ABCA8: variants seen among roughly 807,000 people sequenced by gnomAD.
ABCA8 encodes the protein ABC-type organic anion transporter ABCA8.
Under a neutral mutation model 192.3 loss-of-function variants are expected in ABCA8, and 177 were observed. The observed-to-expected ratio is 0.92, with a 90% CI of 0.81 to 1.04. The LOEUF is 1.04. Among genes scored for constraint, ABCA8 ranks in the 50% least tolerant of loss-of-function variants. The probability of loss-of-function intolerance (pLI) is 0.00; values close to 1 mark genes in which losing one functional copy is unlikely to be tolerated. For missense variants in ABCA8, 1,915 were observed against 1,904.8 expected (o/e 1.01, Z -0.10); for synonymous variants, 642 against 690.2 (o/e 0.93, Z 1.09).
At position 68,876,496 on chromosome 17, in the gene ABCA8, G is replaced by A. The variant is rs754538890; in HGVS notation, c.4334C>T (p.Ser1445Leu). Residue 1445 changes from serine to leucine, a missense_variant, in exon 35 of 40, where the codon TCG becomes TTG. Physicochemically the swap from Ser to Leu is moderately radical, Grantham distance 145 (BLOSUM62 -2). Transcript: ENST00000586539. ...NPSVVLLDEP[S>L]TGMDPEGQQQ... ...CTGCCCCTCGGGGTCCATCCCGGTC[G>A]ACGGCTCATCCAGAAGCACCACTGA... 6.2e-6 allele frequency: 10 copies of A among 1,613,864 alleles called. No homozygotes were observed. The African/African-American group carries it at 9.3e-5, about 15-fold the overall frequency.
At position 68,919,453 on chromosome 17, in the gene ABCA8, T is replaced by A. The variant is rs201033115; in HGVS notation, c.1636A>T (p.Lys546Ter). ...TKGSVTIYNN[K>*]LSEMADLENL... ...TCTAGGTCAGCCATTTCTGAAAGCT[T>A]ATTGTTATAGATGGTGACTGAACCT... The change falls in exon 14 of 40, where the codon AAG (lysine) becomes TAG (stop). Residue 546 changes from lysine (K) to a stop codon, truncating the protein, a stop_gained. Coordinates refer to ENST00000586539, the MANE Select transcript of ABCA8 (RefSeq NM_001288985.2). LOFTEE classifies it high-confidence loss of function. 1.2e-6 allele frequency: 2 copies of A among 1,613,834 alleles called. No homozygotes were observed. Among genetic ancestry groups the A allele is most frequent in the Non-Finnish European group, 1.7e-6 (2 of 1,179,940 alleles).
At chr17:68,922,327 G>A (rs781366894) in intron 11 of ABCA8, 27 bp from the exon 12 acceptor site, 3 of 1,288,474 alleles carry the variant, frequency 2.3e-6, no homozygotes, top group South Asian at 2.9e-5. Context: ...ATACTTCAAA[G>A]TGACAATTTT....
At chr17:68,898,353 T>G (rs1450350374) in intron 21 of ABCA8, among the ~76,000 whole-genome samples, 1 of 152,040 alleles carries the variant, frequency 6.6e-6, no homozygotes, top group Non-Finnish European at 1.5e-5. Context: ...ATCCTGTAAA[T>G]CTATAAAAAT....
At chr17:68,876,232 G>C in intron 35 of ABCA8, 1 of 591,162 alleles carries the variant, frequency 1.7e-6, no homozygotes. Flanking sequence ...TCAAGAGTGA[G>C]ACCTATGGGC....
chr17:68,946,956 AG>A (rs2068428358), intron 2 of ABCA8, among the ~76,000 whole-genome samples: 1 of 152,116 alleles, frequency 6.6e-6, no homozygotes, highest in Non-Finnish European at 1.5e-5. Context: ...AGAGAGAGAG[AG>A]AGAGAGAGAG....
At position 68,875,311 on chromosome 17, in the gene ABCA8, G is replaced by A; in HGVS notation, c.4580C>T (p.Pro1527Leu). Residue 1527 changes from proline (P) to leucine (L), a missense_variant, in exon 37 of 40, where the codon CCC (proline) becomes CTC (leucine). Transcript: ENST00000586539. ...MKVKNLAQVE[P>L]LHAEILRLFP... ...AAGCCTCAGGATCTCTGCATGGAGG[G>A]GCTCCACTTGTGCCAGGTTCTTCAC... 24 of 1,614,066 alleles carry A rather than the reference G, an allele frequency of 1.5e-5. No individual in the cohort carries two copies. The highest frequency in any genetic ancestry group is 1.9e-5 in the Non-Finnish European group (22 of 1,180,006).
At position 68,940,949 on chromosome 17, in the gene ABCA8, G is replaced by T. The variant is rs1441396195; in HGVS notation, c.110C>A (p.Ser37Ter). Residue 37 changes from serine (S) to a stop codon, truncating the protein, a stop_gained, in exon 4 of 40, where the codon TCA (serine) becomes TAA (stop). Coordinates refer to ENST00000586539, the MANE Select transcript of ABCA8 (RefSeq NM_001288985.2). LOFTEE classifies it high-confidence loss of function. ...KRESLMEWLN[S>*]LLLLLCLYIY... ...ATACAAACAAAGTAGTAGGAGCAATGAATTCAGCCATTCCTATATAATACA... is the reference window on the plus strand; with the variant it reads ...ATACAAACAAAGTAGTAGGAGCAATTAATTCAGCCATTCCTATATAATACA... The T allele has an allele frequency of 6.2e-7, 1 of 1,606,094 alleles. No individual in the cohort carries two copies. Among genetic ancestry groups the T allele is most frequent in the East Asian group, 2.2e-5 (1 of 44,786 alleles).
intron 4 of ABCA8, among the ~76,000 whole-genome samples, chr17:68,940,363 T>C (rs1350303830): frequency 6.6e-6 from 1 of 152,116 alleles, no homozygotes; most frequent in East Asian, 1.9e-4. Context: ...TTTCTTTGTC[T>C]ATAAGAACAA....
chr17:68,944,854 C>T (rs977066906), intron 2 of ABCA8: 5 of 152,150 alleles, frequency 3.3e-5, no homozygotes, highest in Admixed American at 3.3e-4. Flanking sequence ...AGGCTCTCAC[C>T]ACGGCGGGGG....
chr17:68,904,198 C>T (rs546386316), intron 19 of ABCA8, among the ~76,000 whole-genome samples: 18 of 151,694 alleles, frequency 1.2e-4, no homozygotes, highest in Admixed American at 5.3e-4. Context: ...AGGAGAATGG[C>T]GTGAACCCGG....
chr17:68,939,518 T>C (rs1034620472), intron 4 of ABCA8, among the ~76,000 whole-genome samples: 10 of 152,154 alleles, frequency 6.6e-5, no homozygotes, highest in African/African-American at 2.4e-4. Context: ...GAAGTTATTG[T>C]GAACTATCAG....
chr17:68,937,500 C>T (rs1567879146), intron 4 of ABCA8, among the ~76,000 whole-genome samples: 1 of 151,902 alleles, frequency 6.6e-6, no homozygotes, highest in Non-Finnish European at 1.5e-5. Flanking sequence ...GGTGGACATA[C>T]CTATACAAAT....
chr17:68,915,915 A>G (rs1465328970), intron 17 of ABCA8, among the ~76,000 whole-genome samples: 1 of 152,220 alleles, frequency 6.6e-6, no homozygotes, highest in Middle Eastern at 3.2e-3. Flanking sequence ...AAAATGTGGT[A>G]CATACACACA....
chr17:68,869,826 T>C (rs2066001273), intron 37 of ABCA8, 47 bp from the exon 38 acceptor site: 1 of 1,221,666 alleles, frequency 8.2e-7, no homozygotes, highest in African/African-American at 1.5e-5. Context: ...TTGTGCCAGA[T>C]GTGAACTGAT....
chr17:68,919,592 A>G (rs996567123), intron 13 of ABCA8, 116 bp from the exon 14 acceptor site: 2 of 905,344 alleles, frequency 2.2e-6, no homozygotes, highest in African/African-American at 1.7e-5. Flanking sequence ...TTCAGGCATT[A>G]GAAACTTCTA....
At chr17:68,923,921 C>G (rs2067616923) in intron 11 of ABCA8, among the ~76,000 whole-genome samples, 1 of 152,158 alleles carries the variant, frequency 6.6e-6, no homozygotes, top group Non-Finnish European at 1.5e-5. Context: ...TGTTGTCACA[C>G]AGAATGAGAT....
Position 68,881,221 on chromosome 17 carries a change from AG to A in ABCA8, c.3947-11del. The stretch of plus-strand genomic sequence containing the variant: ...AATCCTAAAACTTCACCTGAAAAAA[AG>A]GTTACACTTAATATTAATCTATTTT... On this transcript the variant is annotated splice_polypyrimidine_tract_variant and intron_variant, in intron 31 of 39. Transcript: ENST00000586539. The A allele has an allele frequency of 6.4e-7, 1 of 1,569,694 alleles. No homozygotes were observed. Among genetic ancestry groups the A allele is most frequent in the Non-Finnish European group, 8.8e-7 (1 of 1,140,062 alleles).
rs749323505 is a variant in ABCA8, at chr17:68,929,033, T to C, written c.1125+16A>G. On this transcript the variant is annotated intron_variant, in intron 9 of 39. Transcript: ENST00000586539. ...TTTCAGAAATGCCATTAATAGACAT[T>C]CAGATGGCATCTCACCTGGGCCATT... is the stretch of plus-strand genomic sequence containing the variant. 10 of 1,458,118 alleles carry C rather than the reference T, an allele frequency of 6.9e-6. No homozygotes were observed. The Middle Eastern group carries it at 1.3e-3, about 186-fold the overall frequency. 90.3% of individuals were successfully genotyped at this position (1,458,118 alleles called of 1,614,324 possible).
chr17:68,875,893 G>C (rs1298923345), intron 35 of ABCA8, among the ~76,000 whole-genome samples, 160 bp from the exon 36 acceptor site: 1 of 152,218 alleles, frequency 6.6e-6, no homozygotes, highest in Non-Finnish European at 1.5e-5. Flanking sequence ...GGAAGGACAA[G>C]CTAGGTGAGA....
Sources: allele counts gnomAD v4.1 joint callset (sites outside exome capture counted in the v4.1 genomes callset), GRCh38; gene constraint gnomAD v4.1.1; transcripts MANE v1.5; gene names NCBI Gene and HGNC (gene_info 2026-07-23, HGNC 2026-07-21).